The following TBC1D1 variants were observed in gnomAD, a reference collection of about 807,000 sequenced individuals.
TBC1D1 encodes the protein TBC1 (tre-2/USP6, BUB2, cdc16) domain family, member 1.
A neutral mutation model predicts 125.6 loss-of-function variants in TBC1D1; 89 were observed. That is an observed-to-expected ratio of 0.71 (90% CI 0.60 to 0.85). The LOEUF is 0.85. Ranked by LOEUF, TBC1D1 falls within the 40% of genes least tolerant of loss-of-function variation. The probability of loss-of-function intolerance (pLI) is 0.00; values close to 1 mark genes in which losing one functional copy is unlikely to be tolerated. For missense variants in TBC1D1, 1,377 were observed against 1,469.2 expected (o/e 0.94, Z 1.03); for synonymous variants, 565 against 564.1 (o/e 1.00, Z -0.02).
intron 12 of TBC1D1, 132 bp from the exon 15 acceptor site, chr4:38,089,800 C>A: frequency 2.0e-6 from 2 of 989,598 alleles, no homozygotes; most frequent in Non-Finnish European, 2.9e-6. Flanking sequence ...TGCATATTAA[C>A]ACAGGAATTT....
intron 15 of TBC1D1, chr4:38,111,756 G>A (rs1762237681): frequency 4.9e-6 from 1 of 204,214 alleles, no homozygotes; most frequent in African/African-American, 2.4e-5. Flanking sequence ...ACCAAACATT[G>A]AGAACTATTG....
chr4:38,011,364 A>G (rs1353801035), intron 2 of TBC1D1, among the ~76,000 whole-genome samples: 1 of 151,900 alleles, frequency 6.6e-6, no homozygotes, highest in Non-Finnish European at 1.5e-5. Flanking sequence ...AAAAAAAAAA[A>G]AAAAGAAAAA....
intron 2 of TBC1D1, among the ~76,000 whole-genome samples, chr4:37,980,644 A>T (rs183143280): frequency 1.3e-5 from 2 of 152,336 alleles, no homozygotes; most frequent in East Asian, 1.9e-4. Context: ...GAAAATGAGA[A>T]CTAAATATAG....
rs151295060 is a variant in TBC1D1 at position 37,941,224 on chromosome 4, A to T, written c.417+38712A>T. 4.7e-3 allele frequency among the ~76,000 whole-genome samples: 709 copies of T among 152,196 alleles called. 8 individuals carry two copies. The highest frequency in any genetic ancestry group is 0.016 in the African/African-American group (658 of 41,506). On this transcript the variant is annotated intron_variant, in intron 2 of 19. Transcript: ENST00000261439. ...GAGCCTGTTATTGGTCTATTCAGGG[A>T]TTCAACTTCTTCCTGGTTTAGTCTT...
chr4:38,082,460 G>A (rs1277821412), intron 12 of TBC1D1, among the ~76,000 whole-genome samples: 1 of 152,226 alleles, frequency 6.6e-6, no homozygotes, highest in Non-Finnish European at 1.5e-5. Flanking sequence ...TAAGATTCTG[G>A]CTGAGGCGGA....
At chr4:37,904,490 C>T (rs1381718058) in intron 2 of TBC1D1, among the ~76,000 whole-genome samples, 1 of 152,174 alleles carries the variant, frequency 6.6e-6, no homozygotes, top group Non-Finnish European at 1.5e-5. Context: ...AATCGTTGTT[C>T]AGCATTTTAC....
intron 11 of TBC1D1, chr4:38,053,120 A>G: frequency 6.6e-7 from 1 of 1,521,566 alleles, no homozygotes; most frequent in Non-Finnish European, 8.8e-7. Context: ...TCCTACCGTA[A>G]TGCCCTGCGG....
chr4:38,029,962 G>C lies in TBC1D1; in HGVS notation c.1302+2083G>C, dbSNP rs546559527. On this transcript the variant is annotated intron_variant, in intron 7 of 19. Coordinates refer to ENST00000261439, the MANE Select transcript of TBC1D1 (RefSeq NM_015173.4). ...TTTGGAATTCAAAAATGGACAATAT[G>C]CTTCTGATTGTTAATGCATTTACAA... 2.0e-5 allele frequency among the ~76,000 whole-genome samples: 3 copies of C among 152,290 alleles called. No homozygotes were observed. The South Asian group carries it at 6.2e-4, about 32-fold the overall frequency.
chr4:38,135,462 T>C (rs1766338607), intron 19 of TBC1D1, among the ~76,000 whole-genome samples: 1 of 152,206 alleles, frequency 6.6e-6, no homozygotes, highest in Non-Finnish European at 1.5e-5. Flanking sequence ...AGAGAAGACA[T>C]GCTTGCTTCT....
intron 15 of TBC1D1, chr4:38,110,146 G>A: frequency 3.1e-6 from 3 of 956,138 alleles, no homozygotes; most frequent in Non-Finnish European, 3.7e-6. Context: ...GGTAAACAGA[G>A]CCGAGATATC....
intron 17 of TBC1D1, chr4:38,120,245 C>A: frequency 2.3e-6 from 1 of 438,094 alleles, no homozygotes; most frequent in Non-Finnish European, 3.0e-6. Context: ...CGTTGTCCAG[C>A]TGGCCAAGGG....
chr4:37,961,256 A>C (rs1400038500), intron 2 of TBC1D1: 1 of 605,584 alleles, frequency 1.7e-6, no homozygotes, highest in African/African-American at 1.9e-5. Flanking sequence ...AACAGGAGAC[A>C]GGAAATAGCA....
intron 8 of TBC1D1, among the ~76,000 whole-genome samples, 160 bp downstream of exon 8, chr4:38,035,858 T>G (rs981968758): frequency 1.3e-5 from 2 of 152,172 alleles, no homozygotes; most frequent in Admixed American, 6.5e-5. Context: ...TGTTAGACTA[T>G]GTATGCTTGA....
chr4:38,125,492 TTG>T (rs1488006895), intron 18 of TBC1D1, among the ~76,000 whole-genome samples: 2 of 152,196 alleles, frequency 1.3e-5, no homozygotes, highest in African/African-American at 4.8e-5. Context: ...GTGCTTTGAT[TTG>T]TGTGTGTGTA....
intron 12 of TBC1D1, among the ~76,000 whole-genome samples, chr4:38,076,793 A>G (rs1289191051): frequency 2.0e-5 from 3 of 151,990 alleles, no homozygotes; most frequent in Non-Finnish European, 4.4e-5. Context: ...TATTTTTTTC[A>G]GGAGGAAAAA....
At chr4:38,020,053 T>C (rs1337179488) in intron 4 of TBC1D1, among the ~76,000 whole-genome samples, 1 of 151,578 alleles carries the variant, frequency 6.6e-6, no homozygotes, top group Non-Finnish European at 1.5e-5. Flanking sequence ...AAAACTTGAA[T>C]TTTCAGATCT....
chr4:37,922,198 A>G (rs922509958), intron 2 of TBC1D1, among the ~76,000 whole-genome samples: 7 of 152,332 alleles, frequency 4.6e-5, no homozygotes, highest in Middle Eastern at 3.4e-3. Context: ...TTTATTTAAT[A>G]TGCTCACCCA....
intron 19 of TBC1D1, among the ~76,000 whole-genome samples, chr4:38,135,886 G>GTA (rs202172552): frequency 0.073 from 10,885 of 149,718 alleles, 535 homozygotes; most frequent in Middle Eastern, 0.12. Flanking sequence ...GTGTGTGTGT[G>GTA]TATATATGTG....
chr4:38,027,503 C>T (rs1745292359), intron 6 of TBC1D1, among the ~76,000 whole-genome samples: 1 of 152,118 alleles, frequency 6.6e-6, no homozygotes, highest in African/African-American at 2.4e-5. Context: ...GTGGCATGCA[C>T]CTGTAGTCCC....
Sources: allele counts gnomAD v4.1 joint callset (sites outside exome capture counted in the v4.1 genomes callset), GRCh38; gene constraint gnomAD v4.1.1; transcripts MANE v1.5; gene names NCBI Gene and HGNC (gene_info 2026-07-23, HGNC 2026-07-21).